NADSYN1: variants seen among roughly 807,000 people sequenced by gnomAD.
NADSYN1 encodes the protein glutamine-dependent NAD(+) synthetase.
A neutral mutation model predicts 99.3 loss-of-function variants in NADSYN1; 80 were observed. The observed-to-expected ratio is 0.81, with a 90% CI of 0.67 to 0.97. The LOEUF is 0.97. Ranked by LOEUF, NADSYN1 falls within the 50% of genes least tolerant of loss-of-function variation. NADSYN1 has a pLI of 0.00. For synonymous variants in NADSYN1, 385 were observed against 372.1 expected (o/e 1.03, Z -0.40); for missense variants, 859 against 948.5 (o/e 0.91, Z 1.24).
At chr11:71,454,533 A>G (rs1463625823) in intron 1 of NADSYN1, among the ~76,000 whole-genome samples, 2 of 152,192 alleles carry the variant, frequency 1.3e-5, no homozygotes, top group Non-Finnish European at 1.5e-5. Context: ...TTATTTTTTA[A>G]ATATCAACCT....
chr11:71,455,291 A>G (rs1790373), intron 2 of NADSYN1, 121 bp downstream of exon 2: 700,906 of 772,380 alleles, frequency 0.91, 321,249 homozygotes, highest in Non-Finnish European at 0.96. Context: ...CGCCACACCC[A>G]CTGTTGGGCC....
chr11:71,464,190 G>T, intron 5 of NADSYN1, 48 bp downstream of exon 5: 4 of 1,417,338 alleles, frequency 2.8e-6, no homozygotes, highest in South Asian at 1.2e-5. Flanking sequence ...AAGCACCTCC[G>T]CTGTGTGTAG....
At position 71,464,071 on chromosome 11, in the gene NADSYN1, A is replaced by C; in HGVS notation, c.336A>C (p.Arg112Ser). Residue 112 changes from arginine to serine, a missense_variant, in exon 5 of 21, where the codon AGA becomes AGC. Arg to Ser is a moderately radical substitution (Grantham distance 110, BLOSUM62 -1). Transcript: ENST00000319023. ...TCTGCAGGAAGATCCTGCTCATCAG[A>C]CCCAAGATGGCCTTGGCCAATGAAG... ...IFLNRKILLI[R>S]PKMALANEGN... is the part of the protein sequence containing the mutation. 1 of 1,612,316 alleles carries C rather than the reference A, an allele frequency of 6.2e-7. No homozygotes were observed. The highest frequency in any genetic ancestry group is 1.7e-5 in the Admixed American group (1 of 59,852).
At chr11:71,479,569 C>T (rs905909325) in intron 10 of NADSYN1, 2 of 152,256 alleles carry the variant, frequency 1.3e-5, no homozygotes, top group African/African-American at 4.8e-5. Flanking sequence ...TTCCCCTCCT[C>T]CGGTCCTGGC....
chr11:71,477,309 A>T (rs1173253814), intron 9 of NADSYN1: 1 of 1,274,300 alleles, frequency 7.8e-7, no homozygotes, highest in Non-Finnish European at 1.0e-6. Flanking sequence ...CCATTGTTTT[A>T]TGGCTTCACA....
intron 3 of NADSYN1, 117 bp from the exon 4 acceptor site, chr11:71,463,315 C>T (rs532898044): frequency 4.4e-5 from 40 of 906,014 alleles, no homozygotes; most frequent in South Asian, 3.6e-4. Context: ...CCGAAGGGAT[C>T]GGAGGAAGCT....
At position 71,480,844 on chromosome 11, in the gene NADSYN1, C is replaced by T. The variant is rs762269444; in HGVS notation, c.963C>T (p.Ile321=). The change falls in exon 11 of 21, where the codon ATC becomes ATT. Residue 321 remains isoleucine (I), a synonymous_variant. Transcript: ENST00000319023. ...TGCTGGCACCCATCTCTGAGCCCAT[C>T]GAGTGGAAATACCACAGCCCTGAGG... The part of the protein sequence containing the change: ...EDLLAPISEP[I]EWKYHSPEEE... 6.8e-6 allele frequency: 11 copies of T among 1,614,058 alleles called. No individual in the cohort carries two copies. Among genetic ancestry groups the T allele is most frequent in the Middle Eastern group, 1.6e-4 (1 of 6,084 alleles).
chr11:71,476,693 C>G, intron 9 of NADSYN1: 9 of 963,526 alleles, frequency 9.3e-6, no homozygotes, highest in Non-Finnish European at 8.5e-6. Context: ...TAAGTTCCTG[C>G]TGATGGGAAG....
intron 18 of NADSYN1, among the ~76,000 whole-genome samples, chr11:71,493,405 C>T (rs117875396): frequency 1.4e-3 from 213 of 152,156 alleles, no homozygotes; most frequent in Non-Finnish European, 2.6e-3. Context: ...TTGTTGAGCT[C>T]ATGTATTAGT....
rs77697947 is a variant in NADSYN1 at position 71,501,473 on chromosome 11, G to T, written c.*121G>T. ...CCCAGGATGGGACGGCGCATCAGCC[G>T]AGAGGGAGGGAACTTTTCAGTCAAA... is the stretch of plus-strand genomic sequence containing the variant. On this transcript the variant is annotated 3_prime_UTR_variant, in exon 21 of 21. Coordinates refer to ENST00000319023, the MANE Select transcript of NADSYN1 (RefSeq NM_018161.5). The T allele has an allele frequency of 3.5e-6, 3 of 868,658 alleles. No homozygotes were observed. In the East Asian group the frequency reaches 8.3e-5, roughly 24 times the overall value. 53.8% of individuals were successfully genotyped at this position (868,658 alleles called of 1,614,324 possible).
At chr11:71,455,002 T>C in intron 1 of NADSYN1, 108 bp from the exon 2 acceptor site, 1 of 729,968 alleles carries the variant, frequency 1.4e-6, no homozygotes, top group African/African-American at 2.1e-5. Context: ...TTTTTGTTTG[T>C]TGTTTGTTTT....
chr11:71,495,762 G>A (rs367760493), intron 18 of NADSYN1, among the ~76,000 whole-genome samples: 43 of 152,350 alleles, frequency 2.8e-4, no homozygotes, highest in African/African-American at 8.4e-4. Flanking sequence ...CAACACAGAC[G>A]TGGCCACTGC....
chr11:71,457,673 T>C (rs1403643346), intron 2 of NADSYN1, among the ~76,000 whole-genome samples: 8 of 152,202 alleles, frequency 5.3e-5, no homozygotes, highest in Admixed American at 5.2e-4. Context: ...CGAAGGCTCT[T>C]GGGGAGGGTC....
intron 5 of NADSYN1, among the ~76,000 whole-genome samples, chr11:71,471,583 G>T (rs1388801866): frequency 1.3e-5 from 2 of 152,178 alleles, no homozygotes; most frequent in Non-Finnish European, 2.9e-5. Context: ...GATGAAGGGA[G>T]AGATGTTTGG....
intron 5 of NADSYN1, among the ~76,000 whole-genome samples, chr11:71,469,173 A>G (rs1027977456): frequency 1.1e-4 from 17 of 152,336 alleles, no homozygotes; most frequent in Middle Eastern, 3.4e-3. Flanking sequence ...AGACCAAACG[A>G]AAGGCCAGGT....
intron 9 of NADSYN1, among the ~76,000 whole-genome samples, chr11:71,475,832 C>G (rs1357940713): frequency 1.3e-5 from 2 of 152,144 alleles, no homozygotes; most frequent in African/African-American, 4.8e-5. Flanking sequence ...GCCTCAGCCT[C>G]CCAAGTAGCT....
intron 10 of NADSYN1, among the ~76,000 whole-genome samples, chr11:71,480,502 C>T (rs561340361): frequency 4.6e-5 from 7 of 152,256 alleles, no homozygotes; most frequent in Non-Finnish European, 7.4e-5. Flanking sequence ...GCTGCCAGAG[C>T]GTTTGCCACA....
intron 12 of NADSYN1, 47 bp downstream of exon 12, chr11:71,481,451 T>C: frequency 1.9e-6 from 3 of 1,586,050 alleles, no homozygotes; most frequent in Non-Finnish European, 2.6e-6. Flanking sequence ...GTTCTGCTGG[T>C]TGGTCTGGTT....
At chr11:71,460,926 G>C (rs937712467) in intron 3 of NADSYN1, 4 of 152,218 alleles carry the variant, frequency 2.6e-5, no homozygotes, top group Non-Finnish European at 4.4e-5. Flanking sequence ...AAGAAACAGA[G>C]TGGTGAATAG....
Sources: allele counts gnomAD v4.1 joint callset (sites outside exome capture counted in the v4.1 genomes callset), GRCh38; gene constraint gnomAD v4.1.1; transcripts MANE v1.5; gene names NCBI Gene and HGNC (gene_info 2026-07-23, HGNC 2026-07-21).